The following ASTN2 variants were observed in gnomAD, a reference collection of about 807,000 sequenced individuals.
ASTN2 encodes the protein astrotactin-2.
ASTN2 carries 54 observed loss-of-function variants against 139.8 expected under a neutral mutation model. The observed-to-expected ratio is 0.39, with a 90% CI of 0.31 to 0.48. The LOEUF (loss-of-function observed/expected upper bound fraction) is 0.48, where lower values mean the gene tolerates loss of function less well. ASTN2 is among the 20% of genes least tolerant of loss of function. The pLI is 0.95. For synonymous variants in ASTN2, 756 were observed against 719.5 expected (o/e 1.05, Z -0.81); for missense variants, 1,565 against 1,725.1 (o/e 0.91, Z 1.64).
chr9:116,809,066 A>C (rs1317431637), intron 12 of ASTN2, among the ~76,000 whole-genome samples: 3 of 151,942 alleles, frequency 2.0e-5, no homozygotes, highest in Non-Finnish European at 4.4e-5. Context: ...TATATATTAA[A>C]ATTTTTTTCC....
chr9:116,634,844 G>A (rs1856996069), intron 17 of ASTN2, among the ~76,000 whole-genome samples: 1 of 152,016 alleles, frequency 6.6e-6, no homozygotes, highest in Non-Finnish European at 1.5e-5. Context: ...TTGAATCAGT[G>A]GATCTCTAAG....
At chr9:117,041,161 T>C (rs1838556710) in intron 5 of ASTN2, among the ~76,000 whole-genome samples, 1 of 152,174 alleles carries the variant, frequency 6.6e-6, no homozygotes, top group Admixed American at 6.5e-5. Flanking sequence ...AGAAATTCTA[T>C]GGAGGCTGTC....
At chr9:116,697,190 T>C (rs1860905979) in intron 16 of ASTN2, among the ~76,000 whole-genome samples, 1 of 152,204 alleles carries the variant, frequency 6.6e-6, no homozygotes, top group Non-Finnish European at 1.5e-5. Flanking sequence ...TCCTGTGCTT[T>C]TCTCTTAGTG....
chr9:117,240,664 C>A (rs1833178735), intron 2 of ASTN2, among the ~76,000 whole-genome samples: 1 of 152,158 alleles, frequency 6.6e-6, no homozygotes, highest in Non-Finnish European at 1.5e-5. Context: ...TCTAACAGAC[C>A]TGCCCTTCAG....
chr9:116,525,086 T>C (rs1851033742), intron 19 of ASTN2, among the ~76,000 whole-genome samples: 1 of 152,136 alleles, frequency 6.6e-6, no homozygotes, highest in Non-Finnish European at 1.5e-5. Flanking sequence ...CTGATAGTAA[T>C]ATGGACAATG....
intron 7 of ASTN2, among the ~76,000 whole-genome samples, chr9:116,997,112 G>A (rs1309241108): frequency 6.6e-6 from 1 of 152,088 alleles, no homozygotes; most frequent in African/African-American, 2.4e-5. Context: ...AAGTTCAGAA[G>A]CAAAGGTTGC....
chr9:117,363,689 G>A (rs1311511717), intron 1 of ASTN2, among the ~76,000 whole-genome samples: 2 of 152,164 alleles, frequency 1.3e-5, no homozygotes, highest in African/African-American at 2.4e-5. Flanking sequence ...TGAAGATACA[G>A]AGATTAGGAG....
At chr9:117,184,608 G>T (rs1831152306) in intron 3 of ASTN2, among the ~76,000 whole-genome samples, 1 of 152,182 alleles carries the variant, frequency 6.6e-6, no homozygotes, top group South Asian at 2.1e-4. Flanking sequence ...AAAAGGAGCT[G>T]TCAGTAGATA....
chr9:116,532,793 T>C (rs771189676), intron 19 of ASTN2, among the ~76,000 whole-genome samples: 4 of 152,194 alleles, frequency 2.6e-5, no homozygotes, highest in Non-Finnish European at 4.4e-5. Context: ...AGTCAGGTAG[T>C]GTGATGCCTC....
intron 11 of ASTN2, among the ~76,000 whole-genome samples, chr9:116,849,034 T>C (rs540454713): frequency 1.3e-5 from 2 of 152,174 alleles, no homozygotes; most frequent in Non-Finnish European, 2.9e-5. Flanking sequence ...CTCAGGGAAA[T>C]ACTTATGTTC....
At chr9:117,140,430 T>G (rs534673142) in intron 4 of ASTN2, among the ~76,000 whole-genome samples, 1 of 151,912 alleles carries the variant, frequency 6.6e-6, no homozygotes, top group East Asian at 1.9e-4. Flanking sequence ...TTCTATCTAC[T>G]CAGCTAGAGA....
At chr9:116,719,163 T>C (rs1484506404) in intron 16 of ASTN2, among the ~76,000 whole-genome samples, 4 of 151,298 alleles carry the variant, frequency 2.6e-5, no homozygotes, top group South Asian at 2.1e-4. Context: ...CAAGCTATGA[T>C]GGTGACTTGG....
At chr9:117,315,345 C>T (rs1828110979) in intron 1 of ASTN2, among the ~76,000 whole-genome samples, 2 of 152,194 alleles carry the variant, frequency 1.3e-5, no homozygotes, top group African/African-American at 4.8e-5. Context: ...CAATTAGAGG[C>T]ACTGCCTGCG....
At chr9:116,632,179 AGAGAGGGAG>A (rs1856796330) in intron 17 of ASTN2, among the ~76,000 whole-genome samples, 1 of 19,790 alleles carries the variant, frequency 5.1e-5, no homozygotes, top group African/African-American at 1.9e-4. Flanking sequence ...AGAGAGAGAG[AGAGAGGGAG>A]AGAGAGAGAA....
Position 116,751,849 on chromosome 9 carries a change from G to A in ASTN2, c.2397-18326C>T, listed in dbSNP as rs1399654492. Among the ~76,000 whole-genome samples the A allele has an allele frequency of 4.6e-5, 7 of 152,144 alleles. No individual in the cohort carries two copies. In the East Asian group the frequency reaches 1.3e-3, roughly 29 times the overall value. On this transcript the variant is annotated intron_variant, in intron 13 of 22. Transcript: ENST00000313400. ...AGGAAGACTACAAAACTCTGATGAA[G>A]GAAATAAAAGATCAAAATAAATAAA...
chr9:116,983,832 A>C (rs1588459085), intron 7 of ASTN2, among the ~76,000 whole-genome samples: 1 of 152,178 alleles, frequency 6.6e-6, no homozygotes, highest in African/African-American at 2.4e-5. Flanking sequence ...TGGCTGGTCC[A>C]TGAAGGATGA....
intron 5 of ASTN2, among the ~76,000 whole-genome samples, chr9:117,043,641 G>T: frequency 6.6e-6 from 1 of 152,156 alleles, no homozygotes; most frequent in Non-Finnish European, 1.5e-5. Flanking sequence ...GGGCACAGTG[G>T]CTCACGCCTA....
At position 116,799,923 on chromosome 9, in the gene ASTN2, C is replaced by T. The variant is rs75923393; in HGVS notation, c.2396+5709G>A. 3.7e-3 allele frequency among the ~76,000 whole-genome samples: 558 copies of T among 152,228 alleles called. 13 individuals carry two copies. The East Asian group carries it at 0.069, about 19-fold the overall frequency. On this transcript the variant is annotated intron_variant, in intron 13 of 22. Transcript: ENST00000313400. The stretch of plus-strand genomic sequence containing the variant: ...TGACATCACTTAATGGATTTGGGGG[C>T]AATTTGGAAGTGAAATCATTGGCTC...
intron 20 of ASTN2, among the ~76,000 whole-genome samples, chr9:116,466,686 G>A (rs886626497): frequency 6.6e-6 from 1 of 152,162 alleles, no homozygotes; most frequent in Non-Finnish European, 1.5e-5. Context: ...TCTGCCCAGT[G>A]TTAATAGGGA....
Sources: allele counts gnomAD v4.1 joint callset (sites outside exome capture counted in the v4.1 genomes callset), GRCh38; gene constraint gnomAD v4.1.1; transcripts MANE v1.5; gene names NCBI Gene and HGNC (gene_info 2026-07-23, HGNC 2026-07-21).